Variants in ARMH4 observed in about 807,000 individuals in gnomAD.
The protein encoded by ARMH4 is armadillo-like helical domain-containing protein 4.
In ARMH4, 49 loss-of-function variants were observed where a neutral mutation model predicts 61.9. The observed-to-expected ratio is 0.79, with a 90% CI of 0.63 to 1.00. ARMH4 has a LOEUF of 1.00. ARMH4 is among the 50% of genes least tolerant of loss of function. The pLI is 0.00. For synonymous variants in ARMH4, 368 were observed against 341.5 expected, an observed-to-expected ratio of 1.08 and a Z score of -0.85; for missense variants, 934 against 930.0, an observed-to-expected ratio of 1.00 and a Z score of -0.06.
At chr14:58,034,208 G>A (rs1228934307) in intron 5 of ARMH4, among the ~76,000 whole-genome samples, 1 of 136,476 alleles carries the variant, frequency 7.3e-6, no homozygotes, top group Non-Finnish European at 1.6e-5. Context: ...GGATCTCTCG[G>A]CAGAAACCCT....
In ARMH4 at chr14:58,138,518, G is replaced by A. The variant is rs549575027; in HGVS notation, c.841C>T (p.Leu281=). 25 of 1,614,230 alleles carry A rather than the reference G, an allele frequency of 1.5e-5. No homozygotes were observed. Among genetic ancestry groups the A allele is most frequent in the East Asian group, 1.3e-4 (6 of 44,884 alleles). ...CTATCAGTTTCTGGCTCAACACTCA[G>A]GGTGTACTCGGAAGTTTCGAGTGGT... ...KQPLETSEYT[L]SVEPETDSLL... The change falls in exon 2 of 8, where the codon CTG becomes TTG. Residue 281 remains leucine (L), a synonymous_variant. Transcript: ENST00000267485.
chr14:58,129,731 G>T lies in ARMH4; in HGVS notation c.1831+1781C>A, dbSNP rs74457714. Among the ~76,000 whole-genome samples the T allele has an allele frequency of 5.1e-3, 780 of 152,246 alleles. 6 individuals carry two copies. Among genetic ancestry groups the T allele is most frequent in the African/African-American group, 0.018 (752 of 41,552 alleles). The stretch of plus-strand genomic sequence containing the variant: ...AAGCACCAGCATAAAACTAACAATG[G>T]TATTATTAACGTATACTAATTAAAC... On this transcript the variant is annotated intron_variant, in intron 4 of 7. Coordinates refer to ENST00000267485, the MANE Select transcript of ARMH4 (RefSeq NM_001001872.4).
chr14:58,031,439 A>G (rs1029212829), intron 5 of ARMH4, among the ~76,000 whole-genome samples: 5 of 152,224 alleles, frequency 3.3e-5, no homozygotes, highest in African/African-American at 1.2e-4. Flanking sequence ...GTACATTATT[A>G]ATGATAAGTT....
In ARMH4 at chr14:58,152,207, G is replaced by T. The variant is rs1303499834; in HGVS notation, c.-189C>A. ...ACTCCCTCCGCTGTCTGGGACGCTAGGGGGAGGGCGCTTCGCTTTGTTGCT... is the reference window on the plus strand; with the variant it reads ...ACTCCCTCCGCTGTCTGGGACGCTATGGGGAGGGCGCTTCGCTTTGTTGCT... On this transcript the variant is annotated 5_prime_UTR_variant, in exon 1 of 8. Transcript: ENST00000267485. The T allele has an allele frequency of 1.3e-5, 2 of 154,398 alleles. No individual in the cohort carries two copies. Among genetic ancestry groups the T allele is most frequent in the African/African-American group, 4.8e-5 (2 of 41,472 alleles). The allele number at this position is 154,398 out of a possible 1,614,324, so 9.6% of individuals were successfully genotyped here.
chr14:58,036,840 A>AC (rs1299234895), intron 5 of ARMH4, among the ~76,000 whole-genome samples: 11 of 128,152 alleles, frequency 8.6e-5, no homozygotes, highest in Admixed American at 7.5e-4. Context: ...AATCCAACTT[A>AC]AAGGGATGTG....
At chr14:58,079,983 G>A (rs1184821255) in intron 5 of ARMH4, among the ~76,000 whole-genome samples, 1 of 152,094 alleles carries the variant, frequency 6.6e-6, no homozygotes, top group African/African-American at 2.4e-5. Context: ...AGTAAGATTT[G>A]ACACAGCACT....
intron 5 of ARMH4, among the ~76,000 whole-genome samples, chr14:58,080,930 C>T (rs911462960): frequency 1.3e-5 from 2 of 151,932 alleles, no homozygotes; most frequent in African/African-American, 4.8e-5. Context: ...GGTGAAACCC[C>T]ATTTCTACTA....
intron 5 of ARMH4, among the ~76,000 whole-genome samples, chr14:58,092,457 A>G (rs1332550942): frequency 1.3e-5 from 2 of 152,232 alleles, no homozygotes; most frequent in Non-Finnish European, 2.9e-5. Context: ...ATCTGAATCC[A>G]TTCCCTATGG....
At position 58,138,248 on chromosome 14, in the gene ARMH4, C is replaced by A. The variant is rs373394029; in HGVS notation, c.1111G>T (p.Glu371Ter). 7.4e-6 allele frequency: 12 copies of A among 1,614,244 alleles called. No homozygotes were observed. The highest frequency in any genetic ancestry group is 4.5e-5 in the East Asian group (2 of 44,884). ...GCTGTGCCCGTGTGTGTTTCCCCTT[C>A]AGGCAGCCCCAGAGCCACCTGTGCA... is the stretch of plus-strand genomic sequence containing the variant. ...EAAQVALGLPEGETHTGTALL... is the reference protein window; with the variant it reads ...EAAQVALGLP Residue 371 changes from glutamate (E) to a stop codon, truncating the protein, a stop_gained, in exon 2 of 8, where the codon GAA (glutamate) becomes TAA (stop). Coordinates refer to ENST00000267485, the MANE Select transcript of ARMH4 (RefSeq NM_001001872.4). LOFTEE classifies it high-confidence loss of function.
In ARMH4 at chr14:58,126,840, T is replaced by C. The variant is rs370837771; in HGVS notation, c.1831+4672A>G. Among the ~76,000 whole-genome samples the C allele has an allele frequency of 9.2e-4, 139 of 151,432 alleles. 1 individual carries two copies. The highest frequency in any genetic ancestry group is 3.2e-3 in the African/African-American group (132 of 41,194). ...TTTTTTGAGATGGAATCTTGCTCTGTTGCCCAGGCTGGAATGCAGTGGTGT... is the reference window on the plus strand; with the variant it reads ...TTTTTTGAGATGGAATCTTGCTCTGCTGCCCAGGCTGGAATGCAGTGGTGT... On this transcript the variant is annotated intron_variant, in intron 4 of 7. Coordinates refer to ENST00000267485, the MANE Select transcript of ARMH4 (RefSeq NM_001001872.4).
intron 4 of ARMH4, among the ~76,000 whole-genome samples, chr14:58,109,429 A>G (rs377601023): frequency 5.3e-5 from 8 of 152,204 alleles, no homozygotes; most frequent in Non-Finnish European, 4.4e-5. Flanking sequence ...TCACATGTCA[A>G]GGACCCTCTA....
intron 5 of ARMH4, among the ~76,000 whole-genome samples, chr14:58,031,760 C>G (rs766531669): frequency 2.6e-5 from 4 of 152,170 alleles, no homozygotes; most frequent in Admixed American, 1.3e-4. Context: ...AAATCTTCAA[C>G]AGAAATCAGA....
At chr14:58,102,392 T>C (rs1594757885) in intron 4 of ARMH4, among the ~76,000 whole-genome samples, 1 of 152,126 alleles carries the variant, frequency 6.6e-6, no homozygotes, top group East Asian at 1.9e-4. Context: ...TCTGGGCCCC[T>C]AGAACCTGCA....
intron 5 of ARMH4, among the ~76,000 whole-genome samples, chr14:58,054,696 G>A (rs924526830): frequency 1.4e-4 from 22 of 151,900 alleles, no homozygotes; most frequent in Admixed American, 6.6e-5. Context: ...TCAGGAGTTC[G>A]AGACCAGCCT....
intron 5 of ARMH4, among the ~76,000 whole-genome samples, chr14:58,094,260 G>A (rs921488737): frequency 6.9e-6 from 1 of 145,848 alleles, no homozygotes; most frequent in African/African-American, 2.5e-5. Flanking sequence ...AACCCGGGAG[G>A]CAGAATTTGC....
chr14:58,106,895 C>A (rs1012871971), intron 4 of ARMH4, among the ~76,000 whole-genome samples: 2 of 151,834 alleles, frequency 1.3e-5, no homozygotes, highest in African/African-American at 2.4e-5. Context: ...CTGGATCAGA[C>A]CTGTTTTCTT....
At chr14:58,032,775 CAAAG>C (rs1408383358) in intron 5 of ARMH4, among the ~76,000 whole-genome samples, 1 of 152,114 alleles carries the variant, frequency 6.6e-6, no homozygotes, top group Non-Finnish European at 1.5e-5. Flanking sequence ...CTTTCCGAGT[CAAAG>C]AAAGAGGTGA....
Position 58,131,524 on chromosome 14 carries a change from G to A in ARMH4, c.1819C>T (p.Leu607Phe). ...AAAGCATGAATACCTTCAGATTCAA[G>A]TTGGTCCAGGCCATATGAGGCAGCT... ...NTAASYGLDQ[L>F]ESEEGQEDED... Residue 607 changes from leucine (L) to phenylalanine (F), a missense_variant, in exon 4 of 8, where the codon CTT becomes TTT. By Grantham distance (22) the Leu-to-Phe change is conservative (BLOSUM62 0). Transcript: ENST00000267485. 1 of 1,613,700 alleles carries A rather than the reference G, an allele frequency of 6.2e-7. No individual in the cohort carries two copies. The highest frequency in any genetic ancestry group is 8.5e-7 in the Non-Finnish European group (1 of 1,179,650).
At chr14:58,096,117 G>A (rs1195348533) in intron 5 of ARMH4, among the ~76,000 whole-genome samples, 1 of 152,128 alleles carries the variant, frequency 6.6e-6, no homozygotes, top group African/African-American at 2.4e-5. Context: ...ATAAGAGAGA[G>A]TGAGCATGGA....
Sources: gnomAD v4.1 joint callset for allele counts (sites outside exome capture counted in the v4.1 genomes callset) on GRCh38, gnomAD v4.1.1 for gene constraint, MANE v1.5 for transcripts, NCBI Gene and HGNC (gene_info 2026-07-23, HGNC 2026-07-21) for gene names.